THRAP3: variants seen among roughly 807,000 people sequenced by gnomAD.
THRAP3 encodes the protein thyroid hormone receptor-associated protein 3.
Under a neutral mutation model 101.0 loss-of-function variants are expected in THRAP3, and 16 were observed. The ratio of observed to expected loss-of-function variants is 0.16; its 90% CI spans 0.11 to 0.24. The LOEUF is 0.24. Among genes scored for constraint, THRAP3 ranks in the 10% least tolerant of loss-of-function variants. The pLI is 1.00. For synonymous variants in THRAP3, 407 were observed against 422.6 expected, an observed-to-expected ratio of 0.96 and a Z score of 0.45; for missense variants, 989 against 1,202.7, an observed-to-expected ratio of 0.82 and a Z score of 2.63.
At chr1:36,273,885 A>G (rs1645620668) in intron 2 of THRAP3, among the ~76,000 whole-genome samples, 2 of 151,552 alleles carry the variant, frequency 1.3e-5, no homozygotes, top group Admixed American at 6.6e-5. Context: ...TATTAAAAAT[A>G]AAAAAAAATC....
chr1:36,302,137 G>C (rs532539910), intron 11 of THRAP3, among the ~76,000 whole-genome samples: 57 of 152,280 alleles, frequency 3.7e-4, no homozygotes, highest in African/African-American at 1.3e-3. Context: ...AATGCCAGTG[G>C]GGCTTCTCTC....
the THRAP3 span, among the ~76,000 whole-genome samples, chr1:36,215,926 T>G: frequency 6.6e-6 from 1 of 151,878 alleles, no homozygotes; most frequent in African/African-American, 2.4e-5. Context: ...ATTTTGTATT[T>G]TTAGTAGAGA....
intron 1 of THRAP3, among the ~76,000 whole-genome samples, chr1:36,256,262 G>T (rs1216817974): frequency 1.3e-5 from 2 of 150,714 alleles, no homozygotes; most frequent in East Asian, 3.9e-4. Context: ...GTCTTGCTCT[G>T]TCCCCCAGGC....
At chr1:36,294,567 T>G (rs1029714862) in intron 8 of THRAP3, among the ~76,000 whole-genome samples, 2 of 152,248 alleles carry the variant, frequency 1.3e-5, no homozygotes, top group Admixed American at 6.5e-5. Context: ...TTTATTGATC[T>G]TCATTCACAT....
Position 36,289,618 on chromosome 1 carries a change from C to T in THRAP3, c.1599C>T (p.Ser533=). ...CTTATAAAGCAGTCCAGGAGAAAAG[C>T]TCATCACCTCCCCCAAGAAAGACCT... ...VTAYKAVQEK[S]SSPPPRKTSE... is the part of the protein sequence containing the mutation. The change falls in exon 5 of 12, where the codon AGC becomes AGT. Residue 533 remains serine, a synonymous_variant. Coordinates refer to ENST00000354618, the MANE Select transcript of THRAP3 (RefSeq NM_005119.4). 6.2e-7 allele frequency: 1 copy of T among 1,614,202 alleles called. No homozygotes were observed. Among genetic ancestry groups the T allele is most frequent in the South Asian group, 1.1e-5 (1 of 91,080 alleles).
At chr1:36,221,999 C>A (rs568353493), upstream of THRAP3, among the ~76,000 whole-genome samples, 2 of 151,642 alleles carry the variant, frequency 1.3e-5, no homozygotes, top group African/African-American at 4.8e-5. Flanking sequence ...TTAGTAGAGA[C>A]CAGGGTTTCA....
intron 1 of THRAP3, among the ~76,000 whole-genome samples, chr1:36,253,629 C>T (rs1247810983): frequency 2.0e-5 from 3 of 152,068 alleles, no homozygotes; most frequent in Non-Finnish European, 4.4e-5. Flanking sequence ...AATCTCCCTC[C>T]GTCAGCTAGT....
At chr1:36,229,072 G>A (rs1570219299) in intron 1 of THRAP3, among the ~76,000 whole-genome samples, 1 of 152,070 alleles carries the variant, frequency 6.6e-6, no homozygotes, top group Non-Finnish European at 1.5e-5. Flanking sequence ...CTAAAAGATT[G>A]ACTTTATTAA....
At chr1:36,218,454 C>T in the THRAP3 span, among the ~76,000 whole-genome samples, 2 of 143,478 alleles carry the variant, frequency 1.4e-5, no homozygotes, top group East Asian at 2.0e-4. Context: ...CAGTTGCTCA[C>T]GCCTGTAATC....
chr1:36,219,677 G>A (rs1274536029), upstream of THRAP3, among the ~76,000 whole-genome samples: 1 of 151,818 alleles, frequency 6.6e-6, no homozygotes, highest in East Asian at 1.9e-4. Flanking sequence ...TGATCTGCCT[G>A]CCTCGGCCTC....
intron 2 of THRAP3, among the ~76,000 whole-genome samples, chr1:36,271,784 G>A (rs1267480375): frequency 6.6e-6 from 1 of 151,728 alleles, no homozygotes; most frequent in Admixed American, 6.6e-5. Flanking sequence ...AGTAGAGAAG[G>A]GGTTTCTCCA....
Position 36,291,420 on chromosome 1 carries a change from G to A in THRAP3, c.1792G>A (p.Val598Ile). ...GGAACGCAAGCTTTGCCGAGATCTA[G>A]TCCATAGCAACAAAAAGGAACAGGA... ...AQERKLCRDL[V>I]HSNKKEQEFR... Residue 598 changes from valine (V) to isoleucine (I), a missense_variant, in exon 6 of 12, where the codon GTC (valine) becomes ATC (isoleucine). Val to Ile is a conservative substitution (Grantham distance 29). Transcript: ENST00000354618. 1 of 1,614,144 alleles carries A rather than the reference G, an allele frequency of 6.2e-7. No homozygotes were observed. Among genetic ancestry groups the A allele is most frequent in the South Asian group, 1.1e-5 (1 of 91,072 alleles).
At position 36,291,561 on chromosome 1, in the gene THRAP3, T is replaced by C; in HGVS notation, c.1918+15T>C. 5.6e-6 allele frequency: 9 copies of C among 1,610,656 alleles called. No homozygotes were observed. The highest frequency in any genetic ancestry group is 7.6e-6 in the Non-Finnish European group (9 of 1,177,276). On this transcript the variant is annotated intron_variant, in intron 6 of 11. Transcript: ENST00000354618. The stretch of plus-strand genomic sequence containing the variant: ...CCATGTTAAAGGTGAGTCCAGACCC[T>C]GGCCTGCTTCAGGCTCGTGTTCCAC...
intron 1 of THRAP3, among the ~76,000 whole-genome samples, chr1:36,234,572 G>A (rs1375587393): frequency 3.3e-5 from 5 of 152,122 alleles, no homozygotes; most frequent in Non-Finnish European, 7.4e-5. Context: ...TAAAGATAAA[G>A]AGGAACCGTG....
chr1:36,286,711 C>G lies in THRAP3; in HGVS notation c.481C>G (p.Arg161Gly). 1 of 1,614,204 alleles carries G rather than the reference C, an allele frequency of 6.2e-7. No homozygotes were observed. The highest frequency in any genetic ancestry group is 8.5e-7 in the Non-Finnish European group (1 of 1,180,030). The stretch of plus-strand genomic sequence containing the variant: ...CCGGTCAAGGCGCTCCTCATCCTCC[C>G]GTTCTTCCTCCAACCATAGCCGAGT... The part of the protein sequence containing the change: ...SDRSRRSSSS[R>G]SSSNHSRVES... The change falls in exon 4 of 12, where the codon CGT (arginine) becomes GGT (glycine). Residue 161 changes from arginine to glycine, a missense_variant. By Grantham distance (125) the Arg-to-Gly change is moderately radical. Transcript: ENST00000354618. The surrounding 1 kb of genome is among the most constrained non-coding windows in gnomAD (Gnocchi z 5.5).
In THRAP3 at chr1:36,286,710, C is replaced by T. The variant is rs1478876383; in HGVS notation, c.480C>T (p.Ser160=). 1 of 1,614,094 alleles carries T rather than the reference C, an allele frequency of 6.2e-7. No individual in the cohort carries two copies. The highest frequency in any genetic ancestry group is 1.3e-5 in the African/African-American group (1 of 74,934). The change falls in exon 4 of 12, where the codon TCC becomes TCT. Residue 160 remains serine (S), a synonymous_variant. Coordinates refer to ENST00000354618, the MANE Select transcript of THRAP3 (RefSeq NM_005119.4). The surrounding 1 kb of genome is among the most constrained non-coding windows in gnomAD (Gnocchi z 5.5). ...SSDRSRRSSS[S]RSSSNHSRVE... ...ACCGGTCAAGGCGCTCCTCATCCTC[C>T]CGTTCTTCCTCCAACCATAGCCGAG...
At chr1:36,221,774 C>A (rs1033070399), upstream of THRAP3, among the ~76,000 whole-genome samples, 5 of 151,014 alleles carry the variant, frequency 3.3e-5, no homozygotes, top group Non-Finnish European at 7.4e-5. Flanking sequence ...TTAGTAGCGA[C>A]GGAGTTTCAC....
At chr1:36,253,368 AGT>A (rs2124463713) in intron 1 of THRAP3, among the ~76,000 whole-genome samples, 1 of 152,272 alleles carries the variant, frequency 6.6e-6, no homozygotes, top group South Asian at 2.1e-4. Context: ...ATGGAGATTT[AGT>A]TTACACATGC....
chr1:36,221,809 C>CTT (rs74850064), upstream of THRAP3, among the ~76,000 whole-genome samples: 7 of 139,922 alleles, frequency 5.0e-5, no homozygotes, highest in East Asian at 2.0e-4. Context: ...TGGTCTTGAA[C>CTT]TTTTTTTTTT....
Sources: gnomAD v4.1 joint callset for allele counts (sites outside exome capture counted in the v4.1 genomes callset) on GRCh38, gnomAD v4.1.1 for gene constraint, Gnocchi (gnomAD v3.1) non-coding constraint, MANE v1.5 for transcripts, NCBI Gene and HGNC (gene_info 2026-07-23, HGNC 2026-07-21) for gene names.